Variants in CTNNA3 observed in about 807,000 individuals in gnomAD.
CTNNA3 encodes the protein catenin alpha-3.
In CTNNA3, 76 loss-of-function variants were observed where a neutral mutation model predicts 95.7. The ratio of observed to expected loss-of-function variants is 0.79; its 90% CI spans 0.66 to 0.96. The LOEUF is 0.96. CTNNA3 is among the 40% of genes least tolerant of loss of function. The pLI is 0.00. For synonymous variants in CTNNA3, 431 were observed against 374.4 expected, an observed-to-expected ratio of 1.15 and a Z score of -1.74; for missense variants, 1,191 against 1,089.8, an observed-to-expected ratio of 1.09 and a Z score of -1.31.
intron 12 of CTNNA3, among the ~76,000 whole-genome samples, chr10:66,318,964 G>C (rs889638538): frequency 1.3e-5 from 2 of 151,308 alleles, no homozygotes; most frequent in Admixed American, 6.6e-5. Flanking sequence ...AAGAGCACTC[G>C]TTCACGCATT....
intron 7 of CTNNA3, among the ~76,000 whole-genome samples, chr10:67,073,993 C>T (rs1393345148): frequency 6.7e-6 from 1 of 149,170 alleles, no homozygotes; most frequent in African/African-American, 2.5e-5. Context: ...ACACTCAGAT[C>T]TACTGAATTA....
intron 5 of CTNNA3, among the ~76,000 whole-genome samples, chr10:67,494,085 C>A (rs1240640576): frequency 6.6e-6 from 1 of 152,170 alleles, no homozygotes; most frequent in Non-Finnish European, 1.5e-5. Context: ...TTAAGGATAG[C>A]ATACTTTTTG....
intron 13 of CTNNA3, among the ~76,000 whole-genome samples, chr10:66,211,496 C>T (rs1388362158): frequency 1.3e-5 from 2 of 152,160 alleles, no homozygotes; most frequent in East Asian, 1.9e-4. Flanking sequence ...GAATGAGCTA[C>T]CTGCAGTTGG....
chr10:67,415,111 T>C (rs1034202895), intron 5 of CTNNA3, among the ~76,000 whole-genome samples: 3 of 152,112 alleles, frequency 2.0e-5, no homozygotes, highest in Admixed American at 6.6e-5. Context: ...CAAGGCTGCC[T>C]ACTCTCACCA....
At chr10:67,484,287 A>G (rs1421788916) in intron 5 of CTNNA3, among the ~76,000 whole-genome samples, 1 of 152,218 alleles carries the variant, frequency 6.6e-6, no homozygotes, top group African/African-American at 2.4e-5. Context: ...GAATGAAACC[A>G]GACACTTATC....
intron 12 of CTNNA3, among the ~76,000 whole-genome samples, chr10:66,297,472 T>C (rs1328205564): frequency 2.0e-5 from 3 of 152,164 alleles, no homozygotes; most frequent in Admixed American, 6.5e-5. Flanking sequence ...TATTAAAAGG[T>C]AAATTTTACA....
At chr10:67,142,889 G>A (rs1860646777) in intron 7 of CTNNA3, among the ~76,000 whole-genome samples, 1 of 152,114 alleles carries the variant, frequency 6.6e-6, no homozygotes, top group Admixed American at 6.5e-5. Flanking sequence ...CTGAGATCGT[G>A]CCACTGCACT....
intron 8 of CTNNA3, among the ~76,000 whole-genome samples, chr10:66,767,634 A>T (rs1475628329): frequency 2.6e-5 from 4 of 152,062 alleles, no homozygotes; most frequent in Non-Finnish European, 5.9e-5. Context: ...TACATTTTAG[A>T]GTATTTTTTT....
At chr10:66,161,688 T>C (rs536389297) in intron 13 of CTNNA3, among the ~76,000 whole-genome samples, 3 of 152,338 alleles carry the variant, frequency 2.0e-5, no homozygotes, top group Non-Finnish European at 2.9e-5. Context: ...GGCAATGATC[T>C]TTTTACGATG....
intron 9 of CTNNA3, among the ~76,000 whole-genome samples, chr10:66,727,871 C>T (rs140507097): frequency 3.9e-5 from 6 of 152,002 alleles, no homozygotes; most frequent in African/African-American, 9.7e-5. Context: ...AGGTTTTATA[C>T]ACAAATGTAA....
At position 66,328,933 on chromosome 10, in the gene CTNNA3, T is replaced by TATATATACACAC. The variant is rs59003281; in HGVS notation, c.1733-48313_1733-48312insGTGTGTATATAT. ...ATACATATATATATATATATATATATACACACACACATATAAATATAATTT... is the reference window on the plus strand; with the variant it reads ...ATACATATATATATATATATATATATATATATACACACACACACACACATATAAATATAATTT... On this transcript the variant is annotated intron_variant, in intron 12 of 17. Coordinates refer to ENST00000433211, the MANE Select transcript of CTNNA3 (RefSeq NM_013266.4). Among the ~76,000 whole-genome samples, 51 of 115,418 alleles carry TATATATACACAC rather than the reference T, an allele frequency of 4.4e-4. 1 individual carries two copies. The highest frequency in any genetic ancestry group is 2.2e-3 in the Admixed American group (24 of 10,830). 75.7% of individuals were successfully genotyped at this position (115,418 alleles called of 152,430 possible). A position where few individuals can be genotyped will look rare whatever the true frequency, so the allele number is the denominator to read the frequency against.
chr10:66,595,802 A>AATTTATTTATTT (rs530253652), intron 10 of CTNNA3, among the ~76,000 whole-genome samples: 2 of 151,516 alleles, frequency 1.3e-5, no homozygotes, highest in African/African-American at 4.9e-5. Context: ...GTACTTAGCT[A>AATTTATTTATTT]ATTTATTTAT....
intron 13 of CTNNA3, among the ~76,000 whole-genome samples, chr10:66,199,786 TA>T (rs1564755964): frequency 7.1e-4 from 9 of 12,718 alleles, no homozygotes; most frequent in African/African-American, 1.1e-3. Flanking sequence ...TATATATATA[TA>T]TATATATATA....
chr10:67,644,312 G>C (rs995921080), intron 2 of CTNNA3, among the ~76,000 whole-genome samples: 4 of 151,836 alleles, frequency 2.6e-5, no homozygotes, highest in Admixed American at 1.3e-4. Context: ...TCATATGTTT[G>C]TTGGCCACAT....
chr10:66,192,315 A>G (rs755238024), intron 13 of CTNNA3, among the ~76,000 whole-genome samples: 7 of 152,174 alleles, frequency 4.6e-5, no homozygotes, highest in Non-Finnish European at 1.0e-4. Context: ...GTGCACATAG[A>G]AAACACTTTA....
At chr10:66,427,501 A>G (rs2093252929) in intron 11 of CTNNA3, among the ~76,000 whole-genome samples, 1 of 152,084 alleles carries the variant, frequency 6.6e-6, no homozygotes, top group Non-Finnish European at 1.5e-5. Context: ...ATTAGTGATT[A>G]GACAAATGAA....
intron 11 of CTNNA3, among the ~76,000 whole-genome samples, chr10:66,471,351 A>T (rs556509398): frequency 2.0e-5 from 3 of 151,938 alleles, no homozygotes; most frequent in Admixed American, 1.3e-4. Context: ...CAGCTATAGT[A>T]GGCATTCCTT....
At chr10:66,871,843 C>T (rs1484425659) in intron 7 of CTNNA3, among the ~76,000 whole-genome samples, 5 of 152,160 alleles carry the variant, frequency 3.3e-5, no homozygotes, top group Non-Finnish European at 5.9e-5. Flanking sequence ...GACTATGCTA[C>T]TATCTCATAA....
At chr10:66,676,862 G>C (rs1346905191) in intron 9 of CTNNA3, among the ~76,000 whole-genome samples, 1 of 152,070 alleles carries the variant, frequency 6.6e-6, no homozygotes, top group Non-Finnish European at 1.5e-5. Context: ...TTTCTACAAT[G>C]TCATAAATGT....
Sources: allele counts gnomAD v4.1 joint callset (sites outside exome capture counted in the v4.1 genomes callset), GRCh38; gene constraint gnomAD v4.1.1; transcripts MANE v1.5; gene names NCBI Gene and HGNC (gene_info 2026-07-23, HGNC 2026-07-21).